BAZ2B: variants seen among roughly 807,000 people sequenced by gnomAD.
The protein encoded by BAZ2B is bromodomain adjacent to zinc finger domain 2B, also known as bromodomain adjacent to zinc finger domain protein 2B.
A neutral mutation model predicts 246.0 loss-of-function variants in BAZ2B; 91 were observed. That is an observed-to-expected ratio of 0.37 (90% CI 0.31 to 0.44). The LOEUF is 0.44. Ranked by LOEUF, BAZ2B falls within the 20% of genes least tolerant of loss-of-function variation. The probability of loss-of-function intolerance (pLI) is 1.00; values close to 1 mark genes in which losing one functional copy is unlikely to be tolerated. For synonymous variants in BAZ2B, 855 were observed against 860.0 expected (o/e 0.99, Z 0.10); for missense variants, 2,332 against 2,533.7 (o/e 0.92, Z 1.71).
chr2:159,386,754 T>G, intron 21 of BAZ2B, 147 bp from the exon 22 acceptor site: 1 of 932,292 alleles, frequency 1.1e-6, no homozygotes. Context: ...CTAAATTCTC[T>G]GGGGGCATTT....
At chr2:159,630,634 C>T in the BAZ2B span, among the ~76,000 whole-genome samples, 1 of 151,594 alleles carries the variant, frequency 6.6e-6, no homozygotes, top group Non-Finnish European at 1.5e-5. Context: ...CCCGGGTTCA[C>T]GCCATTCTCC....
Position 159,382,717 on chromosome 2 carries a change from T to A in BAZ2B, c.3847A>T (p.Thr1283Ser), listed in dbSNP as rs2062140099. ...DLGEEQHPLG[T>S]PTPGRKRRRK... The stretch of plus-strand genomic sequence containing the variant: ...CTTCGCTTGCGTCCTGGAGTGGGTG[T>A]GCCCAAGGGATGCTGCTCTTCTCCC... The change falls in exon 25 of 37, where the codon ACA becomes TCA. Residue 1283 changes from threonine to serine, a missense_variant. Coordinates refer to ENST00000392783, the MANE Select transcript of BAZ2B (RefSeq NM_013450.4). The A allele has an allele frequency of 6.2e-7, 1 of 1,613,576 alleles. No homozygotes were observed. The highest frequency in any genetic ancestry group is 1.7e-5 in the Admixed American group (1 of 59,870).
chr2:159,504,926 C>T (rs1280365689), intron 2 of BAZ2B, among the ~76,000 whole-genome samples: 1 of 152,150 alleles, frequency 6.6e-6, no homozygotes, highest in African/African-American at 2.4e-5. Context: ...ATATTTTAAA[C>T]AAAGGTGCAG....
At chr2:159,372,272 A>G (rs888435550) in intron 27 of BAZ2B, among the ~76,000 whole-genome samples, 1 of 152,196 alleles carries the variant, frequency 6.6e-6, no homozygotes, top group African/African-American at 2.4e-5. Flanking sequence ...AAAAGTGTTA[A>G]TGTTAGTGCT....
At chr2:159,653,513 C>G in the BAZ2B span, among the ~76,000 whole-genome samples, 1 of 152,160 alleles carries the variant, frequency 6.6e-6, no homozygotes, top group Non-Finnish European at 1.5e-5. Context: ...TTTTGTGTTA[C>G]CTAGTACCTC....
chr2:159,365,378 C>G (rs920170548), intron 27 of BAZ2B, among the ~76,000 whole-genome samples: 1 of 152,180 alleles, frequency 6.6e-6, no homozygotes, highest in African/African-American at 2.4e-5. Flanking sequence ...GGTGAAGTTC[C>G]TTGGCACCTG....
Position 159,412,546 on chromosome 2 carries a change from C to A in BAZ2B, c.2467-1G>T. ...CTTTCAAAAGACACCACTGCATTCCCTTTTAATTAACATTTTATAGAAATA... is the reference window on the plus strand; with the variant it reads ...CTTTCAAAAGACACCACTGCATTCCATTTTAATTAACATTTTATAGAAATA... On this transcript the variant is annotated splice_acceptor_variant, in intron 13 of 36. Transcript: ENST00000392783. LOFTEE classifies it high-confidence loss of function. The A allele has an allele frequency of 1.2e-6, 2 of 1,609,878 alleles. No homozygotes were observed. The highest frequency in any genetic ancestry group is 1.1e-5 in the South Asian group (1 of 90,334).
the BAZ2B span, among the ~76,000 whole-genome samples, chr2:159,660,146 A>G: frequency 2.6e-5 from 4 of 152,164 alleles, no homozygotes; most frequent in Non-Finnish European, 5.9e-5. Context: ...GGTAAGCTCT[A>G]TTCTACTTTG....
intron 13 of BAZ2B, among the ~76,000 whole-genome samples, chr2:159,413,601 G>A (rs1240916352): frequency 2.0e-5 from 3 of 152,102 alleles, no homozygotes; most frequent in East Asian, 1.9e-4. Flanking sequence ...CCAGCTACTC[G>A]GGAGGATGAG....
In BAZ2B at chr2:159,336,978, C is replaced by T. The variant is rs748336740; in HGVS notation, c.5760G>A (p.Gln1920=). The change falls in exon 33 of 37, where the codon CAG becomes CAA. Residue 1920 remains glutamine (Q), a synonymous_variant. Coordinates refer to ENST00000392783, the MANE Select transcript of BAZ2B (RefSeq NM_013450.4). ...AQVALCIQQL[Q]KSIAWEKSIM... Reference sequence around the variant, plus strand: ...TTGATTTTTCCCATGCTATTGATTTCTGTAATTGCTGAATGCACAGAGCTA... The same window carrying T: ...TTGATTTTTCCCATGCTATTGATTTTTGTAATTGCTGAATGCACAGAGCTA... 6.2e-7 allele frequency: 1 copy of T among 1,609,662 alleles called. No homozygotes were observed. Among genetic ancestry groups the T allele is most frequent in the Non-Finnish European group, 8.5e-7 (1 of 1,176,738 alleles).
At chr2:159,363,100 C>T (rs774050704) in intron 27 of BAZ2B, among the ~76,000 whole-genome samples, 13 of 152,124 alleles carry the variant, frequency 8.5e-5, no homozygotes, top group Non-Finnish European at 1.9e-4. Flanking sequence ...TAGGAGACAA[C>T]AGTGTTGTTA....
chr2:159,681,907 A>T, the BAZ2B span, among the ~76,000 whole-genome samples: 1 of 151,884 alleles, frequency 6.6e-6, no homozygotes. Flanking sequence ...CCTGGGCAAC[A>T]GAGACTCCGT....
chr2:159,584,130 T>G (rs1165425376), intron 1 of BAZ2B, among the ~76,000 whole-genome samples: 2 of 150,872 alleles, frequency 1.3e-5, no homozygotes, highest in South Asian at 2.1e-4. Context: ...ATTTAGGGTT[T>G]TTTTTTTTTT....
the BAZ2B span, among the ~76,000 whole-genome samples, chr2:159,645,977 C>T: frequency 3.3e-4 from 50 of 152,204 alleles, no homozygotes; most frequent in African/African-American, 1.1e-3. Context: ...AATGAAGTTT[C>T]GGGCACCATT....
At chr2:159,332,386 T>C (rs542599743) in intron 34 of BAZ2B, among the ~76,000 whole-genome samples, 154 bp downstream of exon 34, 7 of 151,752 alleles carry the variant, frequency 4.6e-5, no homozygotes, top group African/African-American at 1.7e-4. Context: ...ACTCAAGAGA[T>C]TGAGGCCAGA....
At chr2:159,704,864 G>A in the BAZ2B span, among the ~76,000 whole-genome samples, 4 of 151,510 alleles carry the variant, frequency 2.6e-5, no homozygotes, top group South Asian at 2.1e-4. Context: ...CACCACGCCC[G>A]GCTAATTTTT....
Position 159,427,968 on chromosome 2 carries a change from G to C in BAZ2B, c.2439C>G (p.Asp813Glu). The C allele has an allele frequency of 6.2e-7, 1 of 1,613,394 alleles. No individual in the cohort carries two copies. The highest frequency in any genetic ancestry group is 8.5e-7 in the Non-Finnish European group (1 of 1,179,458). Residue 813 changes from aspartate to glutamate, a missense_variant, in exon 13 of 37, where the codon GAC (aspartate) becomes GAG (glutamate). By Grantham distance (45) the Asp-to-Glu change is conservative. This residue lies in a region of BAZ2B where 651 missense variants were observed against 650.9 expected (regional missense o/e 1.00). Transcript: ENST00000392783. ...GCGGTCCATCTCTGGCTTCATAGAAGTCACCCACTCTTATTTTTGCACTGA... is the reference window on the plus strand; with the variant it reads ...GCGGTCCATCTCTGGCTTCATAGAACTCACCCACTCTTATTTTTGCACTGA... ...FSFSAKIRVG[D>E]FYEARDGPQG...
chr2:159,582,504 C>T (rs1027476423), intron 1 of BAZ2B, among the ~76,000 whole-genome samples: 1 of 152,110 alleles, frequency 6.6e-6, no homozygotes, highest in Non-Finnish European at 1.5e-5. Context: ...CAAGCTCAGC[C>T]TCCGGAGTAG....
At chr2:159,620,162 G>C (rs746974705), upstream of BAZ2B, among the ~76,000 whole-genome samples, 1 of 152,166 alleles carries the variant, frequency 6.6e-6, no homozygotes, top group Admixed American at 6.5e-5. Flanking sequence ...ACTACTATGG[G>C]TATTGTAGAT....
Sources: allele counts gnomAD v4.1 joint callset (sites outside exome capture counted in the v4.1 genomes callset), GRCh38; gene constraint gnomAD v4.1.1; regional missense constraint gnomAD v4.1.1; transcripts MANE v1.5; gene names NCBI Gene and HGNC (gene_info 2026-07-23, HGNC 2026-07-21).